The following SLMAP variants were observed in gnomAD, a reference collection of about 807,000 sequenced individuals.
SLMAP encodes the protein sarcolemma associated protein, also known as sarcolemmal membrane-associated protein.
In SLMAP, 44 loss-of-function variants were observed where a neutral mutation model predicts 128.8. The ratio of observed to expected loss-of-function variants is 0.34; its 90% CI spans 0.27 to 0.44. SLMAP has a LOEUF of 0.44. SLMAP is among the 20% of genes least tolerant of loss of function. SLMAP has a pLI of 1.00. For synonymous variants in SLMAP, 327 were observed against 348.8 expected, an observed-to-expected ratio of 0.94 and a Z score of 0.70; for missense variants, 787 against 985.3, an observed-to-expected ratio of 0.80 and a Z score of 2.69.
intron 3 of SLMAP, among the ~76,000 whole-genome samples, chr3:57,836,706 T>G (rs972326129): frequency 6.6e-6 from 1 of 152,196 alleles, no homozygotes; most frequent in Non-Finnish European, 1.5e-5. Context: ...TGGTCAGGCA[T>G]GTACACATAA....
At chr3:57,785,560 T>A (rs2083919295) in intron 2 of SLMAP, among the ~76,000 whole-genome samples, 1 of 152,232 alleles carries the variant, frequency 6.6e-6, no homozygotes, top group Non-Finnish European at 1.5e-5. Context: ...CTTCTGGGTT[T>A]TATTTTCTGT....
intron 15 of SLMAP, among the ~76,000 whole-genome samples, chr3:57,893,829 C>T (rs1464469716): frequency 2.0e-5 from 3 of 152,142 alleles, no homozygotes; most frequent in Admixed American, 6.5e-5. Flanking sequence ...AATGCAGCAG[C>T]GGTCACAGAT....
intron 23 of SLMAP, among the ~76,000 whole-genome samples, chr3:57,923,527 GAGAT>G (rs1337367240): frequency 6.6e-5 from 10 of 152,234 alleles, no homozygotes; most frequent in Admixed American, 3.3e-4. Context: ...GTGAGAGAGA[GAGAT>G]GAACATTTTG....
intron 6 of SLMAP, among the ~76,000 whole-genome samples, chr3:57,853,877 G>T (rs534238961): frequency 6.9e-6 from 1 of 144,624 alleles, no homozygotes; most frequent in Non-Finnish European, 1.5e-5. Context: ...GGAGGCGGAG[G>T]CTGCGGTGAG....
intron 3 of SLMAP, among the ~76,000 whole-genome samples, chr3:57,832,575 G>C (rs545314696): frequency 6.6e-6 from 1 of 152,242 alleles, no homozygotes; most frequent in African/African-American, 2.4e-5. Context: ...AATATGGATA[G>C]TGCAACCATT....
intron 2 of SLMAP, among the ~76,000 whole-genome samples, chr3:57,796,220 TTTG>T (rs1319845137): frequency 6.6e-6 from 1 of 152,224 alleles, no homozygotes; most frequent in Non-Finnish European, 1.5e-5. Context: ...TCTGCTCTTT[TTTG>T]TTGTTGTTAA....
At chr3:57,886,003 C>T (rs1159305028) in intron 14 of SLMAP, among the ~76,000 whole-genome samples, 4 of 150,340 alleles carry the variant, frequency 2.7e-5, no homozygotes, top group Admixed American at 1.3e-4. Flanking sequence ...AGGCTGGTCT[C>T]GAACTCCTGA....
intron 2 of SLMAP, among the ~76,000 whole-genome samples, chr3:57,758,425 C>G (rs1266524579): frequency 6.6e-6 from 1 of 152,138 alleles, no homozygotes; most frequent in Non-Finnish European, 1.5e-5. Context: ...GCATGAACAA[C>G]TGTAACTTTA....
chr3:57,887,404 G>A (rs1363181978), intron 14 of SLMAP, among the ~76,000 whole-genome samples: 3 of 151,940 alleles, frequency 2.0e-5, no homozygotes, highest in Admixed American at 2.0e-4. Flanking sequence ...TAATTTTGGG[G>A]TTTCTCCATG....
intron 2 of SLMAP, among the ~76,000 whole-genome samples, chr3:57,803,908 C>T (rs1005616894): frequency 1.1e-4 from 16 of 152,190 alleles, no homozygotes; most frequent in African/African-American, 3.6e-4. Context: ...AATTCTGTCA[C>T]GTGCTTTCTA....
chr3:57,773,116 A>G (rs2081207863), intron 2 of SLMAP, among the ~76,000 whole-genome samples: 1 of 152,212 alleles, frequency 6.6e-6, no homozygotes, highest in Non-Finnish European at 1.5e-5. Flanking sequence ...TTGGATAATT[A>G]TCCAGTAATA....
rs1488506672 is a variant in SLMAP, at chr3:57,756,782, G to A, written c.-870G>A. 14 of 152,294 alleles carry A rather than the reference G, an allele frequency of 9.2e-5. No individual in the cohort carries two copies. Among genetic ancestry groups the A allele is most frequent in the Non-Finnish European group, 1.5e-5 (1 of 68,122 alleles). The allele number at this position is 152,294 out of a possible 1,614,324, so 9.4% of individuals were successfully genotyped here. A position where few individuals can be genotyped will look rare whatever the true frequency, so the allele number is the denominator to read the frequency against. ...CCATGTGCTGAGCGGCGGCCCAGAA[G>A]CCTAGGCGTCCGGGGACCAACTTCC... On this transcript the variant is annotated 5_prime_UTR_variant, in exon 2 of 25. Coordinates refer to ENST00000671191, the MANE Select transcript of SLMAP (RefSeq NM_001377540.1).
intron 13 of SLMAP, 52 bp downstream of exon 13, chr3:57,865,344 A>G (rs779579287): frequency 9.8e-4 from 782 of 795,218 alleles, no homozygotes; most frequent in Non-Finnish European, 1.5e-3. Context: ...TCATTTTAGT[A>G]TTTAAGCAGG....
intron 2 of SLMAP, among the ~76,000 whole-genome samples, chr3:57,785,051 T>C (rs1473341054): frequency 6.6e-6 from 1 of 152,180 alleles, no homozygotes; most frequent in African/African-American, 2.4e-5. Context: ...AGTTATAAAG[T>C]ATTCAGTCTA....
At chr3:57,906,327 T>TTGTTTTTTTTG (rs1559513361) in intron 17 of SLMAP, among the ~76,000 whole-genome samples, 1 of 133,594 alleles carries the variant, frequency 7.5e-6, no homozygotes, top group African/African-American at 2.8e-5. Flanking sequence ...TTTTTTTTTT[T>TTGTTTTTTTTG]TTTTTAGAGA....
intron 3 of SLMAP, among the ~76,000 whole-genome samples, chr3:57,839,092 C>T (rs2093785024): frequency 6.6e-6 from 1 of 151,426 alleles, no homozygotes; most frequent in African/African-American, 2.4e-5. Context: ...TAGCTGGGTA[C>T]AGGTGTGCAC....
At chr3:57,765,316 C>T (rs2079463251) in intron 2 of SLMAP, among the ~76,000 whole-genome samples, 2 of 152,060 alleles carry the variant, frequency 1.3e-5, no homozygotes, top group Admixed American at 1.3e-4. Flanking sequence ...ACAGGAGGAT[C>T]ACTTAGGCCA....
chr3:57,806,525 C>T (rs2089906534), intron 2 of SLMAP, among the ~76,000 whole-genome samples: 1 of 152,084 alleles, frequency 6.6e-6, no homozygotes, highest in African/African-American at 2.4e-5. Context: ...GCAACCTCCG[C>T]CTCCCGGGTT....
At chr3:57,896,044 A>T (rs1386429307) in intron 15 of SLMAP, among the ~76,000 whole-genome samples, 1 of 116,078 alleles carries the variant, frequency 8.6e-6, no homozygotes, top group Non-Finnish European at 1.8e-5. Flanking sequence ...CTTTTTTATA[A>T]GAACTGATCG....
Sources: gnomAD v4.1 joint callset for allele counts (sites outside exome capture counted in the v4.1 genomes callset) on GRCh38, gnomAD v4.1.1 for gene constraint, MANE v1.5 for transcripts, NCBI Gene and HGNC (gene_info 2026-07-23, HGNC 2026-07-21) for gene names.